BMPR1B: variants seen among roughly 807,000 people sequenced by gnomAD.
The protein encoded by BMPR1B is bone morphogenetic protein receptor type-1B.
BMPR1B carries 12 observed loss-of-function variants against 59.1 expected under a neutral mutation model. The ratio of observed to expected loss-of-function variants is 0.20; its 90% confidence interval spans 0.13 to 0.33. BMPR1B has a LOEUF of 0.33. Ranked by LOEUF, BMPR1B falls within the 10% of genes least tolerant of loss-of-function variation. The pLI is 1.00. For synonymous variants in BMPR1B, 237 were observed against 207.3 expected (o/e 1.14, Z -1.23); for missense variants, 550 against 610.9 (o/e 0.90, Z 1.05).
intron 1 of BMPR1B, among the ~76,000 whole-genome samples, chr4:94,837,089 G>A (rs1188006040): frequency 6.9e-6 from 1 of 144,696 alleles, no homozygotes; most frequent in Non-Finnish European, 1.5e-5. Context: ...CGTTATTTCT[G>A]AGGGCTCTGT....
intron 3 of BMPR1B, among the ~76,000 whole-genome samples, chr4:95,063,697 TAAAAC>T (rs1354937110): frequency 6.6e-6 from 1 of 151,794 alleles, no homozygotes; most frequent in Non-Finnish European, 1.5e-5. Flanking sequence ...TAGTAGTAAA[TAAAAC>T]AAACTACAGA....
intron 3 of BMPR1B, among the ~76,000 whole-genome samples, chr4:94,997,846 C>CT (rs1722165262): frequency 6.6e-6 from 1 of 152,012 alleles, no homozygotes; most frequent in African/African-American, 2.4e-5. Flanking sequence ...TATTCAGTAT[C>CT]TTTTATTTTT....
intron 2 of BMPR1B, among the ~76,000 whole-genome samples, chr4:94,878,935 A>G (rs1371180212): frequency 6.6e-6 from 1 of 152,026 alleles, no homozygotes; most frequent in Non-Finnish European, 1.5e-5. Flanking sequence ...TTTACCCTCT[A>G]TTTTAATGAA....
At position 94,826,529 on chromosome 4, in the gene BMPR1B, A is replaced by T. The variant is rs74928251; in HGVS notation, c.-182-49302A>T. Among the ~76,000 whole-genome samples the T allele has an allele frequency of 7.1e-4, 108 of 152,254 alleles. 1 individual carries two copies. In the East Asian group the frequency reaches 0.019, roughly 27 times the overall value. On this transcript the variant is annotated intron_variant, in intron 1 of 12. Transcript: ENST00000515059. Reference sequence around the variant, plus strand: ...TCTTGCAGATTTTAGATTTTCTTATAAAAAATGTGGAATCGTTGAAATTCC... The same window carrying T: ...TCTTGCAGATTTTAGATTTTCTTATTAAAAATGTGGAATCGTTGAAATTCC...
chr4:95,038,733 T>C (rs1725440243), intron 3 of BMPR1B, among the ~76,000 whole-genome samples: 2 of 152,236 alleles, frequency 1.3e-5, no homozygotes, highest in African/African-American at 2.4e-5. Context: ...TCTCTTTTTT[T>C]CTTCACACAT....
At chr4:94,772,098 A>G (rs981600618) in intron 1 of BMPR1B, among the ~76,000 whole-genome samples, 5 of 152,198 alleles carry the variant, frequency 3.3e-5, no homozygotes, top group Admixed American at 3.3e-4. Flanking sequence ...TAATAGAGAT[A>G]TTACCTATAT....
intron 2 of BMPR1B, among the ~76,000 whole-genome samples, chr4:94,950,802 A>G (rs1729903521): frequency 6.6e-6 from 1 of 152,152 alleles, no homozygotes; most frequent in South Asian, 2.1e-4. Flanking sequence ...TGAAATTTAA[A>G]GTAGTTTTCT....
chr4:94,758,485 T>TGGGGGCGG (rs2110550515), intron 1 of BMPR1B, among the ~76,000 whole-genome samples: 1 of 150,974 alleles, frequency 6.6e-6, no homozygotes, highest in Non-Finnish European at 1.5e-5. Context: ...GAGGGCGAGC[T>TGGGGGCGG]GAGGGCAGTC....
intron 3 of BMPR1B, among the ~76,000 whole-genome samples, chr4:95,015,056 A>G (rs1179060368): frequency 2.0e-5 from 3 of 152,060 alleles, no homozygotes; most frequent in African/African-American, 7.2e-5. Context: ...ATTCAAAGCT[A>G]TTTTCACAAG....
chr4:94,951,136 T>C (rs911898738), intron 2 of BMPR1B, among the ~76,000 whole-genome samples: 1 of 152,242 alleles, frequency 6.6e-6, no homozygotes, highest in Non-Finnish European at 1.5e-5. Context: ...ATCCTGAGAC[T>C]TCACTGAAGT....
chr4:95,094,467 T>C (rs1730221933), intron 3 of BMPR1B, among the ~76,000 whole-genome samples: 1 of 151,534 alleles, frequency 6.6e-6, no homozygotes, highest in Admixed American at 6.6e-5. Flanking sequence ...AAACGGGAGA[T>C]AAAGGAGTAG....
chr4:94,975,010 C>A (rs1398838312), intron 2 of BMPR1B, among the ~76,000 whole-genome samples: 1 of 152,152 alleles, frequency 6.6e-6, no homozygotes, highest in Admixed American at 6.5e-5. Context: ...AGCCAGGAAA[C>A]CACTTCACTA....
At chr4:94,844,625 C>G (rs891324176) in intron 1 of BMPR1B, among the ~76,000 whole-genome samples, 14 of 152,026 alleles carry the variant, frequency 9.2e-5, no homozygotes, top group Non-Finnish European at 2.9e-5. Flanking sequence ...GGATACTGGC[C>G]AGGTCTCTTG....
chr4:94,932,080 G>A (rs780865522), intron 2 of BMPR1B, among the ~76,000 whole-genome samples: 5 of 152,124 alleles, frequency 3.3e-5, no homozygotes, highest in Non-Finnish European at 7.4e-5. Context: ...GCCAAAGGCT[G>A]TTCCAAATAA....
chr4:94,929,235 G>A (rs1379372364), intron 2 of BMPR1B, among the ~76,000 whole-genome samples: 1 of 152,076 alleles, frequency 6.6e-6, no homozygotes, highest in Non-Finnish European at 1.5e-5. Context: ...TTGCCTTGGG[G>A]GATAGTGGCA....
At chr4:95,135,155 A>G (rs906436552) in intron 10 of BMPR1B, among the ~76,000 whole-genome samples, 1 of 152,154 alleles carries the variant, frequency 6.6e-6, no homozygotes, top group African/African-American at 2.4e-5. Flanking sequence ...CAGGTTTGTC[A>G]AGGGTCAGAT....
intron 10 of BMPR1B, among the ~76,000 whole-genome samples, chr4:95,140,390 A>C (rs1313030184): frequency 1.3e-5 from 2 of 151,716 alleles, no homozygotes; most frequent in Non-Finnish European, 2.9e-5. Flanking sequence ...CATTCTACAA[A>C]CTCTCCAATT....
chr4:95,034,686 A>C lies in BMPR1B; in HGVS notation c.-18+38552A>C, dbSNP rs368364794. Among the ~76,000 whole-genome samples, 38 of 151,514 alleles carry C rather than the reference A, an allele frequency of 2.5e-4. No individual in the cohort carries two copies. The South Asian group carries it at 7.3e-3, about 29-fold the overall frequency. On this transcript the variant is annotated intron_variant, in intron 3 of 12. Transcript: ENST00000515059. ...TCCATGTTTTCTTTGGTTGATGGGC[A>C]TTTGGGCTGGTTTTATATTTTTGCA...
At position 94,875,509 on chromosome 4, in the gene BMPR1B, C is replaced by T. The variant is rs546519956; in HGVS notation, c.-182-322C>T. 3.9e-5 allele frequency among the ~76,000 whole-genome samples: 6 copies of T among 152,210 alleles called. No individual in the cohort carries two copies. In the East Asian group the frequency reaches 9.7e-4, roughly 25 times the overall value. On this transcript the variant is annotated intron_variant, in intron 1 of 12. Coordinates refer to ENST00000515059, the MANE Select transcript of BMPR1B (RefSeq NM_001203.3). The stretch of plus-strand genomic sequence containing the variant: ...ACCATCCTGGCTAACACGGTGAAAC[C>T]CCGTCTCTACTAAAAATACAAAAAA...
Sources: gnomAD v4.1 joint callset for allele counts (sites outside exome capture counted in the v4.1 genomes callset) on GRCh38, gnomAD v4.1.1 for gene constraint, MANE v1.5 for transcripts, NCBI Gene and HGNC (gene_info 2026-07-23, HGNC 2026-07-21) for gene names.